The following CADM2 variants were observed in gnomAD, a reference collection of about 807,000 sequenced individuals.
The protein encoded by CADM2 is cell adhesion molecule 2.
CADM2 carries 12 observed loss-of-function variants against 49.8 expected under a neutral mutation model. The observed-to-expected ratio is 0.24, with a 90% confidence interval of 0.15 to 0.39. The LOEUF (loss-of-function observed/expected upper bound fraction) is 0.39. Among genes scored for constraint, CADM2 ranks in the 10% least tolerant of loss-of-function variants. The pLI, the probability that CADM2 is intolerant of heterozygous loss-of-function variation, is 1.00. For missense variants in CADM2, 378 were observed against 492.3 expected, an observed-to-expected ratio of 0.77 and a Z score of 2.20; for synonymous variants, 214 against 175.4, an observed-to-expected ratio of 1.22 and a Z score of -1.74.
chr3:85,089,724 G>A (rs565820477), intron 1 of CADM2, among the ~76,000 whole-genome samples: 7 of 151,930 alleles, frequency 4.6e-5, no homozygotes, highest in South Asian at 2.1e-4. Context: ...CTTTCTGTAC[G>A]AAAAACAAGC....
At chr3:86,057,995 G>A (rs535976512) in intron 8 of CADM2, among the ~76,000 whole-genome samples, 157 of 152,150 alleles carry the variant, frequency 1.0e-3, no homozygotes, top group African/African-American at 3.3e-3. Context: ...GTTTAAGCAA[G>A]CTGTTTCGAG....
At chr3:85,847,800 T>C (rs2074942951) in intron 3 of CADM2, among the ~76,000 whole-genome samples, 1 of 152,156 alleles carries the variant, frequency 6.6e-6, no homozygotes, top group Non-Finnish European at 1.5e-5. Flanking sequence ...TTTAGGGCTA[T>C]AACTCTGAGG....
At chr3:85,105,168 A>G (rs2038164310) in intron 1 of CADM2, among the ~76,000 whole-genome samples, 1 of 152,034 alleles carries the variant, frequency 6.6e-6, no homozygotes. Context: ...AACCTACAAA[A>G]TGGGAGAAAA....
intron 1 of CADM2, among the ~76,000 whole-genome samples, chr3:85,719,000 C>T (rs1191158327): frequency 2.0e-5 from 3 of 151,468 alleles, no homozygotes; most frequent in African/African-American, 4.8e-5. Context: ...GCAACCTCCA[C>T]TTTTCACATT....
At chr3:85,741,079 A>G (rs757588971) in intron 2 of CADM2, among the ~76,000 whole-genome samples, 2 of 152,164 alleles carry the variant, frequency 1.3e-5, no homozygotes, top group Non-Finnish European at 2.9e-5. Context: ...ACATAATTAA[A>G]TTGAATCACA....
chr3:85,382,658 T>A (rs573452965), intron 1 of CADM2, among the ~76,000 whole-genome samples: 2 of 152,282 alleles, frequency 1.3e-5, no homozygotes, highest in East Asian at 3.9e-4. Context: ...CTCAAATCTA[T>A]GCAGATCACT....
At chr3:85,916,998 C>T (rs138294181) in intron 6 of CADM2, among the ~76,000 whole-genome samples, 9,486 of 151,942 alleles carry the variant, frequency 0.062, 792 homozygotes, top group African/African-American at 0.19. Flanking sequence ...TCATATCCTT[C>T]GCCCACTTTT....
At chr3:85,762,613 C>CTCTCTCTCTG (rs1553682285) in intron 2 of CADM2, among the ~76,000 whole-genome samples, 60,593 of 147,714 alleles carry the variant, frequency 0.41, 13,344 homozygotes, top group East Asian at 0.74. Flanking sequence ...CTCTCTCTCT[C>CTCTCTCTCTG]TCTCTCTCTG....
At chr3:85,738,415 G>T (rs1414686311) in intron 2 of CADM2, among the ~76,000 whole-genome samples, 1 of 152,120 alleles carries the variant, frequency 6.6e-6, no homozygotes, top group Non-Finnish European at 1.5e-5. Flanking sequence ...GTAAAATATA[G>T]CTGAGATACA....
chr3:85,734,275 C>G (rs980795641), intron 2 of CADM2, among the ~76,000 whole-genome samples: 2 of 152,016 alleles, frequency 1.3e-5, no homozygotes, highest in African/African-American at 4.8e-5. Flanking sequence ...TTTGGGGACA[C>G]TAAGACCCTG....
At chr3:85,417,846 A>G (rs911956542) in intron 1 of CADM2, among the ~76,000 whole-genome samples, 4 of 152,096 alleles carry the variant, frequency 2.6e-5, no homozygotes, top group Non-Finnish European at 5.9e-5. Context: ...TTTGCCAAGA[A>G]TAACCTAGGG....
intron 1 of CADM2, among the ~76,000 whole-genome samples, chr3:84,973,423 A>G (rs1480238099): frequency 6.6e-6 from 1 of 152,122 alleles, no homozygotes; most frequent in Non-Finnish European, 1.5e-5. Context: ...CGTTCTCAGT[A>G]TGATGCCAGT....
At chr3:85,500,292 T>C (rs1311764665) in intron 1 of CADM2, among the ~76,000 whole-genome samples, 1 of 152,112 alleles carries the variant, frequency 6.6e-6, no homozygotes, top group Non-Finnish European at 1.5e-5. Context: ...TAGTTTATTT[T>C]CTATAAAAAA....
chr3:85,620,645 G>T (rs1377910252), intron 1 of CADM2, among the ~76,000 whole-genome samples: 1 of 152,054 alleles, frequency 6.6e-6, no homozygotes, highest in South Asian at 2.1e-4. Flanking sequence ...AACACAAAAT[G>T]TTTCTAAAAT....
At chr3:85,383,648 C>T (rs1387266103) in intron 1 of CADM2, among the ~76,000 whole-genome samples, 1 of 149,728 alleles carries the variant, frequency 6.7e-6, no homozygotes, top group African/African-American at 2.4e-5. Flanking sequence ...TCATTCCTCC[C>T]AAGGTTAACC....
intron 2 of CADM2, among the ~76,000 whole-genome samples, chr3:85,755,474 T>A (rs925161376): frequency 6.6e-6 from 1 of 152,140 alleles, no homozygotes; most frequent in African/African-American, 2.4e-5. Context: ...AACCTCATTG[T>A]TCAAGTTTTT....
rs397962829 is a variant in CADM2 at position 85,365,199 on chromosome 3, C to CTTT, written c.62-361310_62-361308dup. 2.6e-3 allele frequency among the ~76,000 whole-genome samples: 267 copies of CTTT among 104,688 alleles called. 14 individuals are homozygous for CTTT. Among genetic ancestry groups the CTTT allele is most frequent in the Middle Eastern group, 0.024 (3 of 124 alleles). 68.7% of individuals were successfully genotyped at this position (104,688 alleles called of 152,430 possible). ...TTGGGAGGGTTTTTTTTTTTTTTTA[C>CTTT]TTTTTTTTTTTTTTTAGATAATTCC... On this transcript the variant is annotated intron_variant, in intron 1 of 9. Transcript: ENST00000383699.
At chr3:85,709,670 G>A (rs2067056463) in intron 1 of CADM2, among the ~76,000 whole-genome samples, 2 of 152,042 alleles carry the variant, frequency 1.3e-5, no homozygotes, top group Admixed American at 6.6e-5. Flanking sequence ...TCATTTCAAT[G>A]AAAAACATTC....
chr3:85,578,960 C>T (rs556868172), intron 1 of CADM2, among the ~76,000 whole-genome samples: 17 of 152,172 alleles, frequency 1.1e-4, no homozygotes, highest in Admixed American at 2.6e-4. Context: ...TTAGCAGCCA[C>T]GGTGTTGCAA....
Sources: allele counts gnomAD v4.1 joint callset (sites outside exome capture counted in the v4.1 genomes callset), GRCh38; gene constraint gnomAD v4.1.1; transcripts MANE v1.5; gene names NCBI Gene and HGNC (gene_info 2026-07-23, HGNC 2026-07-21).